Variants in IL17B observed in about 807,000 individuals in gnomAD.
IL17B encodes interleukin-17B.
IL17B carries 14 observed loss-of-function variants against 14.7 expected under a neutral mutation model. That is an observed-to-expected ratio of 0.95 (90% CI 0.63 to 1.49). IL17B has a LOEUF of 1.49. Among genes scored for constraint, IL17B ranks in the 40% most tolerant of loss-of-function variants. IL17B has a pLI of 0.00. For synonymous variants in IL17B, 105 were observed against 94.8 expected (o/e 1.11, Z -0.62); for missense variants, 233 against 252.8 (o/e 0.92, Z 0.53).
rs769658009 is a variant in IL17B, at chr5:149,376,738, G to A, written c.309C>T (p.Tyr103=). 1.2e-6 allele frequency: 2 copies of A among 1,603,188 alleles called. No homozygotes were observed. The highest frequency in any genetic ancestry group is 1.7e-6 in the Non-Finnish European group (2 of 1,174,290). ...CTTGCCACCACTGCCCAGCCTACCTGTAGCCCCAGGGAGACAGGCTCCTCT... is the reference window on the plus strand; with the variant it reads ...CTTGCCACCACTGCCCAGCCTACCTATAGCCCCAGGGAGACAGGCTCCTCT... ...SNKRSLSPWG[Y]SINHDPSRIP... is the part of the protein sequence containing the mutation. Residue 103 remains tyrosine (Y), a splice_region_variant and synonymous_variant, in exon 2 of 3, where the codon TAC becomes TAT. Transcript: ENST00000261796.
At chr5:149,380,116 A>G (rs1758652882), upstream of IL17B, among the ~76,000 whole-genome samples, 1 of 152,142 alleles carries the variant, frequency 6.6e-6, no homozygotes, top group Non-Finnish European at 1.5e-5. Context: ...CTTTACTGTC[A>G]GCCTCAGTTC....
At chr5:149,381,533 A>G (rs888606505), upstream of IL17B, among the ~76,000 whole-genome samples, 2 of 152,232 alleles carry the variant, frequency 1.3e-5, no homozygotes, top group Non-Finnish European at 2.9e-5. Flanking sequence ...TTATACAAAC[A>G]GCTCTGGGCC....
chr5:149,387,238 A>T (rs1758843227), intron 1 of IL17B, among the ~76,000 whole-genome samples: 1 of 152,174 alleles, frequency 6.6e-6, no homozygotes. Context: ...TTTCCATTGG[A>T]AGGTCAGTTC....
chr5:149,387,678 A>G (rs994129690), intron 1 of IL17B, among the ~76,000 whole-genome samples: 1 of 149,432 alleles, frequency 6.7e-6, no homozygotes, highest in Non-Finnish European at 1.5e-5. Context: ...GGAGGCTGAG[A>G]GGCGAGAGGA....
At chr5:149,390,949 G>T (rs1030093061) in intron 1 of IL17B, among the ~76,000 whole-genome samples, 22 of 151,868 alleles carry the variant, frequency 1.4e-4, no homozygotes, top group African/African-American at 2.7e-4. Flanking sequence ...CAGGATTTTG[G>T]TTTTTTGTGG....
chr5:149,394,486 T>G (rs1003745170), intron 1 of IL17B, among the ~76,000 whole-genome samples: 6 of 152,252 alleles, frequency 3.9e-5, no homozygotes, highest in Non-Finnish European at 7.3e-5. Flanking sequence ...ACACGCATTA[T>G]GCTTACAAAG....
At chr5:149,397,952 T>C (rs1581397252) in intron 1 of IL17B, among the ~76,000 whole-genome samples, 1 of 152,184 alleles carries the variant, frequency 6.6e-6, no homozygotes, top group East Asian at 1.9e-4. Context: ...TATTAGATGA[T>C]GCCCACCAAC....
At chr5:149,394,450 T>C (rs1373214358) in intron 1 of IL17B, among the ~76,000 whole-genome samples, 1 of 152,242 alleles carries the variant, frequency 6.6e-6, no homozygotes, top group Admixed American at 6.5e-5. Flanking sequence ...TCTTCATTTA[T>C]TGAGGAAGTT....
At position 149,384,482 on chromosome 5, in the gene IL17B, T is replaced by G. The variant is rs371854953; in HGVS notation, n.96-7457A>C. ...TGTATGTGCTATTTTTGCTTTTTGA[T>G]TATGAAGAGCCAGTATAGATTAATA... is the stretch of plus-strand genomic sequence containing the variant. On this transcript the variant is annotated intron_variant and non_coding_transcript_variant, in intron 1 of 2. Transcript: ENST00000505432. Among the ~76,000 whole-genome samples, 22 of 152,364 alleles carry G rather than the reference T, an allele frequency of 1.4e-4. 1 individual carries two copies. In the South Asian group the frequency reaches 4.1e-3, roughly 29 times the overall value.
At chr5:149,391,016 G>A (rs1205270040) in intron 1 of IL17B, among the ~76,000 whole-genome samples, 6 of 152,076 alleles carry the variant, frequency 3.9e-5, no homozygotes, top group Non-Finnish European at 7.4e-5. Flanking sequence ...TGTCACCCAG[G>A]CTGGAGTACA....
At chr5:149,383,361 G>A (rs1229981583), upstream of IL17B, among the ~76,000 whole-genome samples, 1 of 152,218 alleles carries the variant, frequency 6.6e-6, no homozygotes, top group Non-Finnish European at 1.5e-5. Flanking sequence ...ATGCAAAGGT[G>A]CCTATTTCCA....
intron 1 of IL17B, among the ~76,000 whole-genome samples, chr5:149,384,868 A>C (rs967916981): frequency 6.7e-6 from 1 of 149,630 alleles, no homozygotes; most frequent in African/African-American, 2.5e-5. Context: ...AAGAGGAAGG[A>C]GTGGCCCAGG....
chr5:149,399,500 C>A (rs1203959483), intron 1 of IL17B, among the ~76,000 whole-genome samples: 2 of 151,160 alleles, frequency 1.3e-5, no homozygotes, highest in Admixed American at 6.6e-5. Context: ...TTTTTTTAAT[C>A]TCTGTAAGAA....
intron 1 of IL17B, among the ~76,000 whole-genome samples, chr5:149,385,391 G>A (rs187184820): frequency 9.2e-5 from 14 of 152,220 alleles, no homozygotes; most frequent in Middle Eastern, 6.8e-3. Context: ...CTCATGATCC[G>A]CCTCAGCCTC....
chr5:149,385,616 G>A (rs906182531), intron 1 of IL17B, among the ~76,000 whole-genome samples: 3 of 152,244 alleles, frequency 2.0e-5, no homozygotes, highest in Admixed American at 6.5e-5. Flanking sequence ...TGTCTCCAGG[G>A]CAGACAGAGG....
intron 1 of IL17B, among the ~76,000 whole-genome samples, chr5:149,390,628 C>CAGAGAGAG (rs1253315663): frequency 5.7e-4 from 78 of 137,700 alleles, no homozygotes; most frequent in African/African-American, 2.1e-3. Context: ...CACACACACA[C>CAGAGAGAG]ACAGAGATAC....
intron 1 of IL17B, among the ~76,000 whole-genome samples, chr5:149,391,377 C>A (rs1282917511): frequency 6.6e-6 from 1 of 152,204 alleles, no homozygotes; most frequent in African/African-American, 2.4e-5. Flanking sequence ...GCATGGAGAA[C>A]CTCAGCCACG....
intron 1 of IL17B, 43 bp downstream of exon 1, chr5:149,379,162 C>T (rs369723190): frequency 6.2e-7 from 1 of 1,613,122 alleles, no homozygotes; most frequent in East Asian, 2.2e-5. Context: ...CATATTTGGG[C>T]TCTTAAAAAG....
chr5:149,374,923 C>T lies in IL17B; in HGVS notation c.312-323G>A, dbSNP rs1295284537. 4.1e-6 allele frequency: 1 copy of T among 244,528 alleles called. No individual in the cohort carries two copies. Among genetic ancestry groups the T allele is most frequent in the Non-Finnish European group, 7.9e-6 (1 of 126,722 alleles). 15.1% of individuals were successfully genotyped at this position (244,528 alleles called of 1,614,324 possible). A position where few individuals can be genotyped will look rare whatever the true frequency, so the allele number is the denominator to read the frequency against. Reference sequence around the variant, plus strand: ...GTAGCCCTCTACCACCTAGGGCCCTCATGTGTTTCCTTTATTTGAGACAGG... The same window carrying T: ...GTAGCCCTCTACCACCTAGGGCCCTTATGTGTTTCCTTTATTTGAGACAGG... On this transcript the variant is annotated intron_variant, in intron 2 of 2. Coordinates refer to ENST00000261796, the MANE Select transcript of IL17B (RefSeq NM_014443.3). This position sits in a 1 kb window ranked among gnomAD's most constrained non-coding sequence, Gnocchi z 5.0.
Sources: gnomAD v4.1 joint callset for allele counts (sites outside exome capture counted in the v4.1 genomes callset) on GRCh38, gnomAD v4.1.1 for gene constraint, Gnocchi (gnomAD v3.1) non-coding constraint, MANE v1.5 for transcripts, NCBI Gene and HGNC (gene_info 2026-07-23, HGNC 2026-07-21) for gene names.